Variants in AGAP1 observed in about 807,000 individuals in gnomAD.
AGAP1 encodes arf-GAP with GTPase, ANK repeat and PH domain-containing protein 1.
AGAP1 carries 29 observed loss-of-function variants against 105.3 expected under a neutral mutation model. The ratio of observed to expected loss-of-function variants is 0.28; its 90% CI spans 0.21 to 0.38. AGAP1 has a LOEUF of 0.38. AGAP1 is among the 10% of genes least tolerant of loss of function. The probability of loss-of-function intolerance (pLI) is 1.00; values close to 1 mark genes in which losing one functional copy is unlikely to be tolerated. For synonymous variants in AGAP1, 509 were observed against 485.9 expected, an observed-to-expected ratio of 1.05 and a Z score of -0.63; for missense variants, 998 against 1,165.1, an observed-to-expected ratio of 0.86 and a Z score of 2.09.
At chr2:235,915,847 T>C (rs1009878905) in intron 11 of AGAP1, among the ~76,000 whole-genome samples, 2 of 151,890 alleles carry the variant, frequency 1.3e-5, no homozygotes, top group African/African-American at 4.8e-5. Flanking sequence ...ATCTGAAGAG[T>C]CAAGTATCAA....
At chr2:235,707,490 C>G (rs1326414694) in intron 1 of AGAP1, among the ~76,000 whole-genome samples, 2 of 124,666 alleles carry the variant, frequency 1.6e-5, no homozygotes, top group Non-Finnish European at 3.4e-5. Context: ...CCCCCCCGCC[C>G]AGAACACACT....
rs1468901394 is a variant in AGAP1 at position 236,042,821 on chromosome 2, T to C, written c.1891+1980T>C. On this transcript the variant is annotated intron_variant, in intron 15 of 17. Transcript: ENST00000304032. This position sits in a 1 kb window ranked among gnomAD's most constrained non-coding sequence, Gnocchi z 5.6. ...AAGGGAAAAGGCAGAGTTTGACAAT[T>C]CAGGAGAAAGAGGCGATACCAAGCA... Among the ~76,000 whole-genome samples the C allele has an allele frequency of 6.6e-6, 1 of 152,114 alleles. No homozygotes were observed. Among genetic ancestry groups the C allele is most frequent in the Non-Finnish European group, 1.5e-5 (1 of 68,014 alleles).
In AGAP1 at chr2:236,092,397, G is replaced by GT. The variant is rs2059084424; in HGVS notation, c.2115-27791dup. Reference sequence around the variant, plus strand: ...TATTATTTCTTTTTCTTTTTTGTTTGTTTTGTTTTGTTTGTGACAGAGTCT... The same window carrying GT: ...TATTATTTCTTTTTCTTTTTTGTTTGTTTTTGTTTTGTTTGTGACAGAGTCT... On this transcript the variant is annotated intron_variant, in intron 16 of 17. Transcript: ENST00000304032. The surrounding 1 kb of genome is among the most constrained non-coding windows in gnomAD (Gnocchi z 4.7). Among the ~76,000 whole-genome samples the GT allele has an allele frequency of 6.6e-6, 1 of 151,942 alleles. No individual in the cohort carries two copies. Among genetic ancestry groups the GT allele is most frequent in the African/African-American group, 2.4e-5 (1 of 41,372 alleles).
intron 9 of AGAP1, among the ~76,000 whole-genome samples, chr2:235,857,459 C>T (rs372175001): frequency 2.6e-5 from 4 of 152,190 alleles, no homozygotes; most frequent in African/African-American, 9.7e-5. Flanking sequence ...ACACAGGTTC[C>T]TGCCTTGCAG....
intron 11 of AGAP1, among the ~76,000 whole-genome samples, chr2:235,911,839 G>A (rs887098858): frequency 1.6e-4 from 24 of 152,250 alleles, no homozygotes; most frequent in Non-Finnish European, 2.6e-4. Context: ...ATCCCACACA[G>A]GGGCCTGGCT....
At position 235,942,660 on chromosome 2, in the gene AGAP1, G is replaced by A. The variant is rs571459292; in HGVS notation, c.1483+11737G>A. 7.8e-5 allele frequency among the ~76,000 whole-genome samples: 11 copies of A among 140,738 alleles called. No individual in the cohort carries two copies. In the South Asian group the frequency reaches 9.7e-4, roughly 12 times the overall value. 92.3% of individuals were successfully genotyped at this position (140,738 alleles called of 152,430 possible). The stretch of plus-strand genomic sequence containing the variant: ...GCACTCCAGCCTGGGTAACAAGAGC[G>A]AAACTCTGTCTAAAAAAAAAAAAAA... On this transcript the variant is annotated intron_variant, in intron 12 of 17. Coordinates refer to ENST00000304032, the MANE Select transcript of AGAP1 (RefSeq NM_001037131.3).
chr2:235,937,180 C>G (rs1426531059), intron 12 of AGAP1, among the ~76,000 whole-genome samples: 1 of 152,174 alleles, frequency 6.6e-6, no homozygotes. Flanking sequence ...CCCCTGGGCT[C>G]TCATCTCTCA....
intron 1 of AGAP1, among the ~76,000 whole-genome samples, chr2:235,613,725 T>C (rs1222853462): frequency 6.6e-6 from 1 of 152,238 alleles, no homozygotes; most frequent in Non-Finnish European, 1.5e-5. Context: ...TACTGATAAA[T>C]TAAAAGAAAG....
At chr2:235,682,819 T>TGTGTGTGTGTGTGTGTGTGTG (rs1559345184) in intron 1 of AGAP1, among the ~76,000 whole-genome samples, 1 of 151,538 alleles carries the variant, frequency 6.6e-6, no homozygotes, top group African/African-American at 2.4e-5. Context: ...TGTGTGTGTG[T>TGTGTGTGTGTGTGTGTGTGTG]TTTCAGGCAG....
intron 16 of AGAP1, among the ~76,000 whole-genome samples, chr2:236,093,512 T>C (rs949091043): frequency 6.6e-6 from 1 of 152,138 alleles, no homozygotes; most frequent in African/African-American, 2.4e-5. Flanking sequence ...CATTTTCCAA[T>C]AGAAATAGCT....
intron 10 of AGAP1, among the ~76,000 whole-genome samples, chr2:235,899,246 C>G (rs898520587): frequency 6.6e-6 from 1 of 152,194 alleles, no homozygotes; most frequent in Non-Finnish European, 1.5e-5. Flanking sequence ...GGCGCGGTGG[C>G]TCGCACCTGT....
intron 1 of AGAP1, among the ~76,000 whole-genome samples, chr2:235,575,633 A>T (rs1029374034): frequency 1.3e-5 from 2 of 152,256 alleles, no homozygotes; most frequent in African/African-American, 4.8e-5. Context: ...AGACAAACTC[A>T]GACATGCGCC....
rs968081715 is a variant in AGAP1, at chr2:236,087,345, T to G, written c.2115-32847T>G. 6.6e-6 allele frequency among the ~76,000 whole-genome samples: 1 copy of G among 152,054 alleles called. No individual in the cohort carries two copies. Among genetic ancestry groups the G allele is most frequent in the Non-Finnish European group, 1.5e-5 (1 of 68,010 alleles). The stretch of plus-strand genomic sequence containing the variant: ...GGGAGCGGGGGCTAGCTGTGGGTGT[T>G]CATTGAAAGAGTCCAGGTCCCCGAC... On this transcript the variant is annotated intron_variant, in intron 16 of 17. Coordinates refer to ENST00000304032, the MANE Select transcript of AGAP1 (RefSeq NM_001037131.3). This position sits in a 1 kb window ranked among gnomAD's most constrained non-coding sequence, Gnocchi z 5.7.
At chr2:235,922,977 G>C (rs933603502) in intron 11 of AGAP1, among the ~76,000 whole-genome samples, 1 of 152,196 alleles carries the variant, frequency 6.6e-6, no homozygotes, top group Non-Finnish European at 1.5e-5. Context: ...AATCAAGGCA[G>C]CTCAGTAAGC....
chr2:235,589,186 A>ATTTTTTTTT (rs1559270688), intron 1 of AGAP1, among the ~76,000 whole-genome samples: 1 of 35,124 alleles, frequency 2.8e-5, no homozygotes. Context: ...TTAATAGCTT[A>ATTTTTTTTT]TTGTTTTGTT....
rs1256300252 is a variant in AGAP1 at position 235,993,195 on chromosome 2, G to T, written c.1645+24572G>T. Among the ~76,000 whole-genome samples, 2 of 152,180 alleles carry T rather than the reference G, an allele frequency of 1.3e-5. No individual in the cohort carries two copies. The highest frequency in any genetic ancestry group is 4.8e-5 in the African/African-American group (2 of 41,438). ...GTTCAAACACCAAACTGTTTGTGGG[G>T]AGGAGGGTGATTTGCAGTGATCTTT... On this transcript the variant is annotated intron_variant, in intron 13 of 17. Transcript: ENST00000304032. The surrounding 1 kb of genome is among the most constrained non-coding windows in gnomAD (Gnocchi z 5.0).
chr2:235,639,161 C>T lies in AGAP1; in HGVS notation c.164-70018C>T, dbSNP rs571688574. On this transcript the variant is annotated intron_variant, in intron 1 of 17. Transcript: ENST00000304032. This position sits in a 1 kb window ranked among gnomAD's most constrained non-coding sequence, Gnocchi z 5.3. ...TGGATGTGGGGCATGGGGAATTGGA[C>T]GGATGATAGTGGCCCACAGGTTGAG... Among the ~76,000 whole-genome samples, 7 of 152,168 alleles carry T rather than the reference C, an allele frequency of 4.6e-5. No homozygotes were observed. Among genetic ancestry groups the T allele is most frequent in the South Asian group, 2.1e-4 (1 of 4,816 alleles).
At chr2:235,980,635 C>T (rs1025476737) in intron 13 of AGAP1, among the ~76,000 whole-genome samples, 7 of 152,152 alleles carry the variant, frequency 4.6e-5, no homozygotes, top group Non-Finnish European at 1.0e-4. Flanking sequence ...GGAGATCTGG[C>T]GGTTAGTTTC....
At position 235,733,255 on chromosome 2, in the gene AGAP1, C is replaced by T. The variant is rs1051371630; in HGVS notation, c.311-7708C>T. 6.6e-6 allele frequency among the ~76,000 whole-genome samples: 1 copy of T among 152,290 alleles called. No homozygotes were observed. The highest frequency in any genetic ancestry group is 1.9e-4 in the East Asian group (1 of 5,160). ...TTCTTTGCCTCCGGAGAGCCTTTGCCGGCCATTCACTTCCAAGGCTTTCTT... is the reference window on the plus strand; with the variant it reads ...TTCTTTGCCTCCGGAGAGCCTTTGCTGGCCATTCACTTCCAAGGCTTTCTT... On this transcript the variant is annotated intron_variant, in intron 3 of 17. Transcript: ENST00000304032. The surrounding 1 kb of genome is among the most constrained non-coding windows in gnomAD (Gnocchi z 5.0).
Sources: allele counts gnomAD v4.1 joint callset (sites outside exome capture counted in the v4.1 genomes callset), GRCh38; gene constraint gnomAD v4.1.1; non-coding constraint Gnocchi (gnomAD v3.1); transcripts MANE v1.5; gene names NCBI Gene and HGNC (gene_info 2026-07-23, HGNC 2026-07-21).